Variants in ANKS1B observed in about 807,000 individuals in gnomAD.
ANKS1B encodes the protein ankyrin repeat and sterile alpha motif domain-containing protein 1B.
ANKS1B carries 36 observed loss-of-function variants against 148.3 expected under a neutral mutation model. The observed-to-expected ratio is 0.24, with a 90% confidence interval of 0.19 to 0.32. The LOEUF (loss-of-function observed/expected upper bound fraction) is 0.32. Ranked by LOEUF, ANKS1B falls within the 10% of genes least tolerant of loss-of-function variation. The pLI, the probability that ANKS1B is intolerant of heterozygous loss-of-function variation, is 1.00. For missense variants in ANKS1B, 1,157 were observed against 1,542.6 expected, an observed-to-expected ratio of 0.75 and a Z score of 4.19; for synonymous variants, 542 against 560.8, an observed-to-expected ratio of 0.97 and a Z score of 0.47.
At chr12:99,103,978 G>T (rs1285748091) in intron 15 of ANKS1B, among the ~76,000 whole-genome samples, 2 of 152,210 alleles carry the variant, frequency 1.3e-5, no homozygotes, top group Non-Finnish European at 2.9e-5. Context: ...TTCCAAGGGT[G>T]CCAATCCAGT....
chr12:99,621,805 T>C lies in ANKS1B; in HGVS notation c.1272+33262A>G, dbSNP rs73143608. Among the ~76,000 whole-genome samples, 460 of 151,920 alleles carry C rather than the reference T, an allele frequency of 3.0e-3. 2 individuals carry two copies. The highest frequency in any genetic ancestry group is 5.2e-3 in the Non-Finnish European group (354 of 67,922). On this transcript the variant is annotated intron_variant, in intron 9 of 26. Transcript: ENST00000683438. Reference sequence around the variant, plus strand: ...GACTTAGACAGCCACACAATGAAAATAGTGGAGGACTTCAATATCCCACTG... The same window carrying C: ...GACTTAGACAGCCACACAATGAAAACAGTGGAGGACTTCAATATCCCACTG...
At chr12:99,889,429 ATCTT>A (rs1175696517) in intron 1 of ANKS1B, among the ~76,000 whole-genome samples, 2 of 152,214 alleles carry the variant, frequency 1.3e-5, no homozygotes, top group Admixed American at 1.3e-4. Context: ...AGAAAAATGC[ATCTT>A]TTTTTGCATA....
chr12:99,379,764 T>G lies in ANKS1B; in HGVS notation c.1756+19867A>C, dbSNP rs2093558888. Among the ~76,000 whole-genome samples, 3 of 152,210 alleles carry G rather than the reference T, an allele frequency of 2.0e-5. No homozygotes were observed. In the South Asian group the frequency reaches 6.2e-4, roughly 31 times the overall value. ...AATCCTAGTGTCTACTTACGATAAT[T>G]TAATGACAATAAATCTAGGCAGATC... On this transcript the variant is annotated intron_variant, in intron 12 of 26. Transcript: ENST00000683438.
At chr12:99,180,076 C>T (rs1454776385) in intron 14 of ANKS1B, among the ~76,000 whole-genome samples, 1 of 152,096 alleles carries the variant, frequency 6.6e-6, no homozygotes, top group South Asian at 2.1e-4. Flanking sequence ...ATCCTTTCTA[C>T]CTATAATAAT....
intron 8 of ANKS1B, among the ~76,000 whole-genome samples, chr12:99,760,279 T>C (rs1237773136): frequency 6.6e-6 from 1 of 151,836 alleles, no homozygotes; most frequent in Admixed American, 6.6e-5. Context: ...ATTGATGACA[T>C]GCTCAGCCAT....
chr12:99,608,761 T>C (rs1246820141), intron 9 of ANKS1B, among the ~76,000 whole-genome samples: 1 of 152,054 alleles, frequency 6.6e-6, no homozygotes, highest in African/African-American at 2.4e-5. Context: ...TCCTGTGTTT[T>C]TCAAGGGGTC....
chr12:98,905,219 CTGTGTATTT>C (rs1373244135), intron 17 of ANKS1B, among the ~76,000 whole-genome samples: 1 of 152,196 alleles, frequency 6.6e-6, no homozygotes, highest in Non-Finnish European at 1.5e-5. Context: ...TCTCCAAGAT[CTGTGTATTT>C]TCCCATGACA....
chr12:99,533,410 C>A (rs1037763013), intron 9 of ANKS1B, among the ~76,000 whole-genome samples: 1 of 152,126 alleles, frequency 6.6e-6, no homozygotes, highest in African/African-American at 2.4e-5. Context: ...TTAGTGAATT[C>A]ATCTATCAGA....
intron 9 of ANKS1B, among the ~76,000 whole-genome samples, chr12:99,604,902 T>G (rs1056313695): frequency 6.6e-6 from 1 of 151,878 alleles, no homozygotes; most frequent in South Asian, 2.1e-4. Context: ...AACTGAGCTC[T>G]TTTAATAGAA....
intron 15 of ANKS1B, among the ~76,000 whole-genome samples, chr12:99,104,173 G>C (rs954500616): frequency 6.6e-6 from 1 of 152,172 alleles, no homozygotes; most frequent in Non-Finnish European, 1.5e-5. Flanking sequence ...AGATCTATGA[G>C]GGGGCTTTTG....
intron 11 of ANKS1B, among the ~76,000 whole-genome samples, chr12:99,426,330 T>C (rs568978099): frequency 3.9e-5 from 6 of 152,190 alleles, no homozygotes; most frequent in African/African-American, 1.4e-4. Flanking sequence ...TCTCTGTTTT[T>C]TTAAATGGAA....
chr12:99,544,434 T>C (rs1257481456), intron 9 of ANKS1B, among the ~76,000 whole-genome samples: 1 of 152,184 alleles, frequency 6.6e-6, no homozygotes, highest in Admixed American at 6.6e-5. Flanking sequence ...AGCAAGTCAC[T>C]GAAACTGCGA....
At chr12:98,757,773 AC>A (rs1286095284) in intron 25 of ANKS1B, among the ~76,000 whole-genome samples, 1 of 152,130 alleles carries the variant, frequency 6.6e-6, no homozygotes, top group East Asian at 1.9e-4. Context: ...CCTGTCTCCG[AC>A]CTTGGCTCTT....
intron 9 of ANKS1B, among the ~76,000 whole-genome samples, chr12:99,519,966 TTGTC>T (rs1425523312): frequency 1.3e-5 from 2 of 152,178 alleles, no homozygotes; most frequent in East Asian, 1.9e-4. Flanking sequence ...CACTTTAACT[TTGTC>T]TGCCTGCTTT....
chr12:98,947,530 C>T (rs1204030981), intron 17 of ANKS1B, among the ~76,000 whole-genome samples: 2 of 152,162 alleles, frequency 1.3e-5, no homozygotes, highest in African/African-American at 4.8e-5. Flanking sequence ...ACTTGATTAT[C>T]AGCTATTTAC....
chr12:99,081,816 A>G (rs1284915457), intron 16 of ANKS1B, among the ~76,000 whole-genome samples: 2 of 152,182 alleles, frequency 1.3e-5, no homozygotes, highest in Non-Finnish European at 2.9e-5. Context: ...ATATCTTAAA[A>G]TTGAGGTGCT....
intron 17 of ANKS1B, among the ~76,000 whole-genome samples, chr12:99,050,873 T>G (rs2099965571): frequency 6.6e-6 from 1 of 150,892 alleles, no homozygotes. Flanking sequence ...TTTTTTTTTG[T>G]ATTTTTCATA....
intron 8 of ANKS1B, among the ~76,000 whole-genome samples, chr12:99,743,744 T>C (rs2060331833): frequency 6.6e-6 from 1 of 152,204 alleles, no homozygotes; most frequent in Non-Finnish European, 1.5e-5. Context: ...AGCTCGTCTC[T>C]AACAGATGTA....
At chr12:99,316,175 G>C (rs1055790589) in intron 12 of ANKS1B, among the ~76,000 whole-genome samples, 2 of 152,054 alleles carry the variant, frequency 1.3e-5, no homozygotes. Context: ...TAATCATTTC[G>C]GTATATACCC....
Sources: allele counts gnomAD v4.1 joint callset (sites outside exome capture counted in the v4.1 genomes callset), GRCh38; gene constraint gnomAD v4.1.1; transcripts MANE v1.5; gene names NCBI Gene and HGNC (gene_info 2026-07-23, HGNC 2026-07-21).